Variants in QTGAL observed in about 807,000 individuals in gnomAD.
The protein encoded by QTGAL is BGnT-like protein 1.
the QTGAL span, among the ~76,000 whole-genome samples, chr17:83,001,843 C>A: frequency 2.0e-5 from 3 of 152,146 alleles, no homozygotes; most frequent in African/African-American, 7.2e-5. Flanking sequence ...AATCATGGCT[C>A]ATGGTGGCCT....
chr17:83,029,156 T>C, the QTGAL span, among the ~76,000 whole-genome samples: 1 of 152,216 alleles, frequency 6.6e-6, no homozygotes, highest in Non-Finnish European at 1.5e-5. Context: ...GCGTGTGAGC[T>C]GTCAAAACAC....
At chr17:83,006,242 C>T in the QTGAL span, 1 of 985,622 alleles carries the variant, frequency 1.0e-6, no homozygotes, top group Non-Finnish European at 1.2e-6. This position sits in a 1 kb window ranked among gnomAD's most constrained non-coding sequence, Gnocchi z 5.8. Flanking sequence ...GATGAAGTCA[C>T]ACCGAGGCAT....
chr17:82,977,532 T>G, the QTGAL span, among the ~76,000 whole-genome samples: 1 of 152,196 alleles, frequency 6.6e-6, no homozygotes, highest in South Asian at 2.1e-4. Context: ...CATGGGTATC[T>G]GGAACGCAGC....
the QTGAL span, chr17:83,048,716 C>A: frequency 6.2e-7 from 1 of 1,614,134 alleles, no homozygotes; most frequent in African/African-American, 1.3e-5. Flanking sequence ...CCTTCAAAGT[C>A]CTGTTGCAAA....
chr17:83,035,185 T>TC, the QTGAL span: 1 of 1,147,394 alleles, frequency 8.7e-7, no homozygotes, highest in East Asian at 2.8e-5. Context: ...TGATATTCTT[T>TC]TTTTTTTTTT....
chr17:83,046,430 C>G, the QTGAL span, among the ~76,000 whole-genome samples: 4 of 152,234 alleles, frequency 2.6e-5, no homozygotes, highest in Non-Finnish European at 5.9e-5. Context: ...AGTCACCATG[C>G]CTGGCCCAAG....
At chr17:83,051,517 T>G in the QTGAL span, among the ~76,000 whole-genome samples, 1 of 152,100 alleles carries the variant, frequency 6.6e-6, no homozygotes, top group African/African-American at 2.4e-5. Flanking sequence ...GAGCTGCAGA[T>G]CTCGGCCGCG....
chr17:83,040,752 G>A, the QTGAL span, among the ~76,000 whole-genome samples: 14 of 152,140 alleles, frequency 9.2e-5, no homozygotes, highest in Non-Finnish European at 7.3e-5. Context: ...AGAGAAATAA[G>A]CAGAAAAAAA....
chr17:83,042,744 G>A, the QTGAL span, among the ~76,000 whole-genome samples: 4 of 152,176 alleles, frequency 2.6e-5, no homozygotes, highest in African/African-American at 9.7e-5. Context: ...CAATTAAAAG[G>A]CAAAATCTGG....
chr17:83,030,495 G>A, the QTGAL span, among the ~76,000 whole-genome samples: 16 of 152,226 alleles, frequency 1.1e-4, no homozygotes, highest in African/African-American at 2.4e-4. Context: ...AGCACCTGCC[G>A]GCTTGTGAGG....
chr17:82,957,668 G>A, the QTGAL span, among the ~76,000 whole-genome samples: 12 of 152,324 alleles, frequency 7.9e-5, no homozygotes, highest in East Asian at 5.8e-4. Flanking sequence ...CCAGCTGGAC[G>A]TAGCCACATG....
the QTGAL span, among the ~76,000 whole-genome samples, chr17:82,952,596 A>T: frequency 6.6e-6 from 1 of 152,188 alleles, no homozygotes; most frequent in African/African-American, 2.4e-5. Flanking sequence ...GACTTAGGCA[A>T]CCACACAATA....
At chr17:83,035,426 C>T in the QTGAL span, among the ~76,000 whole-genome samples, 1 of 152,056 alleles carries the variant, frequency 6.6e-6, no homozygotes, top group Non-Finnish European at 1.5e-5. Context: ...ACCTCGGCCT[C>T]CCAAAGTGCT....
At chr17:82,965,556 T>C in the QTGAL span, 690,409 of 1,263,774 alleles carry the variant, frequency 0.55, 189,568 homozygotes, top group Admixed American at 0.67. Flanking sequence ...CCCGGAGGCA[T>C]GGCAAGGCGG....
chr17:83,016,636 G>T, the QTGAL span, among the ~76,000 whole-genome samples: 1 of 91,020 alleles, frequency 1.1e-5, no homozygotes, highest in Non-Finnish European at 2.4e-5. Flanking sequence ...AGGAGGGACA[G>T]AAGAAGGAGG....
At chr17:83,000,679 T>C in the QTGAL span, among the ~76,000 whole-genome samples, 1 of 152,236 alleles carries the variant, frequency 6.6e-6, no homozygotes, top group African/African-American at 2.4e-5. Flanking sequence ...CCATGCTGTT[T>C]GTCTGAAAGC....
the QTGAL span, among the ~76,000 whole-genome samples, chr17:83,011,015 C>A: frequency 6.6e-6 from 1 of 152,254 alleles, no homozygotes; most frequent in Non-Finnish European, 1.5e-5. Flanking sequence ...ACGTTGGGAA[C>A]AGAGATCAGC....
At chr17:82,946,569 A>AGTGTGTGTGTGTGT in the QTGAL span, among the ~76,000 whole-genome samples, 6,744 of 150,286 alleles carry the variant, frequency 0.045, 311 homozygotes, top group African/African-American at 0.12. Context: ...ACAGAACCCA[A>AGTGTGTGTGTGTGT]GTGTGTGTGT....
the QTGAL span, chr17:83,006,616 A>G: frequency 4.1e-6 from 4 of 983,398 alleles, no homozygotes; most frequent in Non-Finnish European, 4.8e-6. This position sits in a 1 kb window ranked among gnomAD's most constrained non-coding sequence, Gnocchi z 5.8. Flanking sequence ...CCGCTGTGCT[A>G]TCCCGACGCC....
Sources: allele counts gnomAD v4.1 joint callset (sites outside exome capture counted in the v4.1 genomes callset), GRCh38; gene constraint gnomAD v4.1.1; non-coding constraint Gnocchi (gnomAD v3.1); transcripts MANE v1.5; gene names NCBI Gene and HGNC (gene_info 2026-07-23, HGNC 2026-07-21).